Variants in MAN2A2 observed in about 807,000 individuals in gnomAD.
MAN2A2 encodes mannosidase alpha class 2A member 2, also known as alpha-mannosidase 2x.
A neutral mutation model predicts 126.8 loss-of-function variants in MAN2A2; 79 were observed. The observed-to-expected ratio is 0.62, with a 90% CI of 0.52 to 0.75. The LOEUF (loss-of-function observed/expected upper bound fraction) is 0.75. Among genes scored for constraint, MAN2A2 ranks in the 30% least tolerant of loss-of-function variants. MAN2A2 has a pLI of 0.00. For synonymous variants in MAN2A2, 671 were observed against 618.7 expected (o/e 1.08, Z -1.25); for missense variants, 1,392 against 1,522.4 (o/e 0.91, Z 1.43).
chr15:90,907,062 G>A (rs914439202), intron 7 of MAN2A2, 149 bp downstream of exon 7: 6 of 1,064,948 alleles, frequency 5.6e-6, no homozygotes, highest in African/African-American at 1.6e-5. Flanking sequence ...CCTCTGGTTA[G>A]GGGAGGGCCA....
chr15:90,920,179 G>C lies in MAN2A2; in HGVS notation c.*392G>C. ...TAAGTGGGTAACAGCCCAGCATCAG[G>C]GTCACTGTGGCAACAGCAGGCTCTA... On this transcript the variant is annotated 3_prime_UTR_variant, in exon 23 of 23. Transcript: ENST00000559717. 1 of 204,776 alleles carries C rather than the reference G, an allele frequency of 4.9e-6. No individual in the cohort carries two copies. Among genetic ancestry groups the C allele is most frequent in the Non-Finnish European group, 1.0e-5 (1 of 100,012 alleles). 12.7% of individuals were successfully genotyped at this position (204,776 alleles called of 1,614,324 possible).
intron 1 of MAN2A2, chr15:90,903,638 G>GTT (rs2034013584): frequency 4.7e-6 from 1 of 213,362 alleles, no homozygotes. Flanking sequence ...AACACACAGG[G>GTT]CTTGCTTTAT....
At chr15:90,913,094 T>A (rs1449301725) in intron 17 of MAN2A2, 103 bp downstream of exon 17, 3 of 1,155,026 alleles carry the variant, frequency 2.6e-6, no homozygotes, top group African/African-American at 1.5e-5. Flanking sequence ...CTGTTCCGTA[T>A]CATTTGAGAC....
chr15:90,913,146 G>A, intron 17 of MAN2A2, 127 bp from the exon 18 acceptor site: 10 of 1,285,964 alleles, frequency 7.8e-6, no homozygotes, highest in Non-Finnish European at 9.8e-6. Context: ...ATCCAGAAAT[G>A]CCCTGGGGAT....
chr15:90,906,795 G>A lies in MAN2A2; in HGVS notation c.891G>A (p.Met297Ile). The change falls in exon 7 of 23, where the codon ATG becomes ATA. Residue 297 changes from methionine (M) to isoleucine (I), a missense_variant. Physicochemically the swap from Met to Ile is conservative, Grantham distance 10. Transcript: ENST00000559717. Reference protein sequence around the residue: ...AVDPFGYSSTMPYLLRRANLT... With the variant: ...AVDPFGYSSTIPYLLRRANLT... ...ACCCCTTTGGATACAGCTCCACCAT[G>A]CCTTACCTGCTGCGCCGTGCCAACC... The A allele has an allele frequency of 6.2e-7, 1 of 1,613,834 alleles. No individual in the cohort carries two copies. The highest frequency in any genetic ancestry group is 8.5e-7 in the Non-Finnish European group (1 of 1,179,970).
At chr15:90,906,096 G>T in intron 5 of MAN2A2, 80 bp downstream of exon 5, 1 of 1,575,002 alleles carries the variant, frequency 6.3e-7, no homozygotes, top group Non-Finnish European at 8.7e-7. Context: ...TAAGCTATGG[G>T]TGCCAAGGTG....
At chr15:90,918,442 C>T in intron 21 of MAN2A2, 54 bp downstream of exon 21, 1 of 1,558,008 alleles carries the variant, frequency 6.4e-7, no homozygotes, top group Non-Finnish European at 8.8e-7. Flanking sequence ...GGTGTCCCTC[C>T]CTGCTCAGCT....
In MAN2A2 at chr15:90,906,426, AG is replaced by A; in HGVS notation, c.766del (p.Ala256ProfsTer8). ...IATGGWVMPDEANSHYFALID... is the reference protein window; with the variant it reads ...IATGGWVMPDXANSHYFALID... ...ACAGGAGGCTGGGTGATGCCAGATG[AG>A]GCCAATTCCCACTACTTTGCATTGA... is the stretch of plus-strand genomic sequence containing the variant. On this transcript the variant is annotated frameshift_variant, in exon 6 of 23. Coordinates refer to ENST00000559717, the MANE Select transcript of MAN2A2 (RefSeq NM_006122.4). LOFTEE classifies it high-confidence loss of function. 1.9e-6 allele frequency: 3 copies of A among 1,614,156 alleles called. No individual in the cohort carries two copies. Among genetic ancestry groups the A allele is most frequent in the African/African-American group, 2.7e-5 (2 of 75,046 alleles).
Position 90,905,347 on chromosome 15 carries a change from G to C in MAN2A2, c.229G>C (p.Glu77Gln). The change falls in exon 3 of 23, where the codon GAG becomes CAG. Residue 77 changes from glutamate (E) to glutamine (Q), a missense_variant. Coordinates refer to ENST00000559717, the MANE Select transcript of MAN2A2 (RefSeq NM_006122.4). ...CAGCCATATCAAGGACTCCGTGCTG[G>C]AGCTGACAGCCAACGCAGAGGGCCC... Reference protein sequence around the residue: ...IISHIKDSVLELTANAEGPPA... With the variant: ...IISHIKDSVLQLTANAEGPPA... 6.2e-7 allele frequency: 1 copy of C among 1,613,926 alleles called. No individual in the cohort carries two copies. The highest frequency in any genetic ancestry group is 8.5e-7 in the Non-Finnish European group (1 of 1,180,040).
At chr15:90,903,523 C>T (rs2034005125) in intron 1 of MAN2A2, 91 bp downstream of exon 1, 1 of 155,848 alleles carries the variant, frequency 6.4e-6, no homozygotes, top group African/African-American at 2.4e-5. Flanking sequence ...TCTCCCTTCC[C>T]AGGGGGCCTT....
chr15:90,904,678 C>G (rs2034123417), intron 2 of MAN2A2, among the ~76,000 whole-genome samples: 1 of 151,998 alleles, frequency 6.6e-6, no homozygotes, highest in Non-Finnish European at 1.5e-5. Flanking sequence ...CAACCTCCGC[C>G]TCCCAGGTTC....
At chr15:90,914,348 TCAG>T (rs2035006449) in intron 19 of MAN2A2, among the ~76,000 whole-genome samples, 1 of 142,146 alleles carries the variant, frequency 7.0e-6, no homozygotes, top group African/African-American at 3.1e-5. Flanking sequence ...GCAAGAAGCA[TCAG>T]GGTATTGAAC....
intron 8 of MAN2A2, among the ~76,000 whole-genome samples, chr15:90,908,403 C>G (rs2677746): frequency 0.012 from 1,843 of 152,262 alleles, 48 homozygotes; most frequent in African/African-American, 0.042. Flanking sequence ...TTATAACATG[C>G]CAATTAAAGT....
chr15:90,907,079 C>T (rs1325665253), intron 7 of MAN2A2, 166 bp downstream of exon 7: 11 of 935,622 alleles, frequency 1.2e-5, no homozygotes, highest in Non-Finnish European at 1.8e-5. Flanking sequence ...GCCATATTGA[C>T]CTCTGGCCTC....
In MAN2A2 at chr15:90,904,217, A is replaced by T. The variant is rs774489487; in HGVS notation, c.10A>T (p.Lys4Ter). ...GTGTGTGGAGGCCAGTATGAAGCTG[A>T]AAAAGCAGGTGACAGTGTGTGGGGC... is the stretch of plus-strand genomic sequence containing the variant. MKL[K>*]KQVTVCGAAI... is the part of the protein sequence containing the mutation. The change falls in exon 2 of 23, where the codon AAA becomes TAA. Residue 4 changes from lysine (K) to a stop codon, truncating the protein, a stop_gained. Transcript: ENST00000559717. LOFTEE classifies it high-confidence loss of function. The T allele has an allele frequency of 1.9e-6, 3 of 1,614,168 alleles. No homozygotes were observed. The Admixed American group carries it at 5.0e-5, about 27-fold the overall frequency.
rs1444014295 is a variant in MAN2A2, at chr15:90,912,961, C to G, written c.2554C>G (p.His852Asp). Residue 852 changes from histidine (H) to aspartate (D), a missense_variant, in exon 17 of 23, where the codon CAC becomes GAC. His to Asp is a moderately conservative substitution (Grantham distance 81). Coordinates refer to ENST00000559717, the MANE Select transcript of MAN2A2 (RefSeq NM_006122.4). ...GGTGGTTGCGTACTATGAGCACATT[C>G]ACCAGGCGGTCCGGCTTTACAATCT... ...SEVVAYYEHI[H>D]QAVRLYNLPG... 2 of 1,614,046 alleles carry G rather than the reference C, an allele frequency of 1.2e-6. No homozygotes were observed. Among genetic ancestry groups the G allele is most frequent in the African/African-American group, 1.3e-5 (1 of 75,042 alleles).
upstream of MAN2A2, chr15:90,902,851 A>C (rs2033948127): frequency 1.4e-5 from 2 of 144,060 alleles, no homozygotes; most frequent in Non-Finnish European, 3.1e-5. Context: ...GCAGGGGGCT[A>C]CGGGTGGGCG....
intron 8 of MAN2A2, among the ~76,000 whole-genome samples, chr15:90,908,412 G>A (rs1329266342): frequency 1.3e-5 from 2 of 152,216 alleles, no homozygotes; most frequent in African/African-American, 2.4e-5. Flanking sequence ...GCCAATTAAA[G>A]TAGGAAAGGG....
Position 90,911,180 on chromosome 15 carries a change from C to G in MAN2A2, c.1885C>G (p.Arg629Gly). ...EAPFLQVDDT[R>G]LSHDALPERT... The stretch of plus-strand genomic sequence containing the variant: ...GCTCACTGAATTCCAGGATGACACT[C>G]GCTTAAGTCACGACGCCCTCCCAGA... The change falls in exon 13 of 23, where the codon CGC (arginine) becomes GGC (glycine). Residue 629 changes from arginine to glycine, a missense_variant. Arg to Gly is a moderately radical substitution (Grantham distance 125). Transcript: ENST00000559717. 6.2e-7 allele frequency: 1 copy of G among 1,614,062 alleles called. No individual in the cohort carries two copies. The highest frequency in any genetic ancestry group is 1.1e-5 in the South Asian group (1 of 91,068).
Sources: allele counts gnomAD v4.1 joint callset (sites outside exome capture counted in the v4.1 genomes callset), GRCh38; gene constraint gnomAD v4.1.1; transcripts MANE v1.5; gene names NCBI Gene and HGNC (gene_info 2026-07-23, HGNC 2026-07-21).